Variants in PPP2R3C observed in about 807,000 individuals in gnomAD.
PPP2R3C encodes the protein serine/threonine-protein phosphatase 2A regulatory subunit B'' subunit gamma.
Under a neutral mutation model 63.7 loss-of-function variants are expected in PPP2R3C, and 47 were observed. The ratio of observed to expected loss-of-function variants is 0.74; its 90% CI spans 0.58 to 0.94. The LOEUF (loss-of-function observed/expected upper bound fraction) is 0.94, where lower values mean the gene tolerates loss of function less well. PPP2R3C is among the 40% of genes least tolerant of loss of function. The pLI is 0.00. For synonymous variants in PPP2R3C, 180 were observed against 177.4 expected, an observed-to-expected ratio of 1.01 and a Z score of -0.12; for missense variants, 421 against 518.4, an observed-to-expected ratio of 0.81 and a Z score of 1.82.
At chr14:35,096,508 T>C (rs1162177182) in intron 9 of PPP2R3C, 50 bp downstream of exon 9, 2 of 1,535,758 alleles carry the variant, frequency 1.3e-6, no homozygotes, top group Non-Finnish European at 1.8e-6. Context: ...TGAACACCAA[T>C]TTCCTGAAGA....
At chr14:35,114,498 A>C (rs1364122692) in intron 2 of PPP2R3C, among the ~76,000 whole-genome samples, 1 of 152,238 alleles carries the variant, frequency 6.6e-6, no homozygotes, top group East Asian at 1.9e-4. Context: ...ATTGTTTACT[A>C]TACTTGCAAA....
chr14:35,107,049 C>A (rs2046386648), intron 6 of PPP2R3C, among the ~76,000 whole-genome samples: 1 of 152,110 alleles, frequency 6.6e-6, no homozygotes, highest in African/African-American at 2.4e-5. Flanking sequence ...TTGGAATTGA[C>A]ATTCTCTATT....
At chr14:35,087,261 G>C (rs1483361483) in intron 12 of PPP2R3C, 1 of 152,116 alleles carries the variant, frequency 6.6e-6, no homozygotes, top group Non-Finnish European at 1.5e-5. Flanking sequence ...AAAATTTGTA[G>C]TAAAATAAAA....
chr14:35,110,012 C>T, intron 3 of PPP2R3C, 81 bp from the exon 4 acceptor site: 1 of 1,044,400 alleles, frequency 9.6e-7, no homozygotes, highest in Non-Finnish European at 1.4e-6. Context: ...GTGCTTTCCA[C>T]TAAAATGAGA....
chr14:35,122,007 T>C (rs377161064), upstream of PPP2R3C: 307 of 1,606,516 alleles, frequency 1.9e-4, no homozygotes, highest in Non-Finnish European at 2.6e-4. Flanking sequence ...TCCTACCTGC[T>C]CCACCCCTAC....
At chr14:35,108,040 T>G (rs1406416071) in intron 5 of PPP2R3C, 99 bp downstream of exon 5, 3 of 1,456,276 alleles carry the variant, frequency 2.1e-6, no homozygotes, top group South Asian at 2.8e-5. Flanking sequence ...CTATTCAAAC[T>G]TAGAGTGATT....
chr14:35,087,574 ATT>A (rs1033074411), intron 12 of PPP2R3C: 1 of 180,486 alleles, frequency 5.5e-6, no homozygotes, highest in African/African-American at 2.4e-5. Flanking sequence ...TAATTTTTGT[ATT>A]TTTAGTAGAG....
chr14:35,107,446 C>T, intron 5 of PPP2R3C, 72 bp from the exon 6 acceptor site: 2 of 1,260,676 alleles, frequency 1.6e-6, no homozygotes, highest in East Asian at 4.7e-5. Flanking sequence ...AGATAAAGAG[C>T]CAGATTTGAG....
In PPP2R3C at chr14:35,110,681, A is replaced by G. The variant is rs761821881; in HGVS notation, c.187-52T>C. ...TGTAAATTTTAGACTACTGGATCCT[A>G]TAAAATGTATGTGGCCTCATAAAAT... On this transcript the variant is annotated intron_variant, in intron 2 of 12. Coordinates refer to ENST00000261475, the MANE Select transcript of PPP2R3C (RefSeq NM_017917.4). 2.7e-5 allele frequency: 33 copies of G among 1,216,048 alleles called. 1 individual carries two copies. In the Middle Eastern group the frequency reaches 1.5e-3, roughly 57 times the overall value. 75.3% of individuals were successfully genotyped at this position (1,216,048 alleles called of 1,614,324 possible).
chr14:35,109,459 A>G (rs921991337), intron 4 of PPP2R3C, among the ~76,000 whole-genome samples: 1 of 152,092 alleles, frequency 6.6e-6, no homozygotes, highest in Non-Finnish European at 1.5e-5. Context: ...CATTCCATTT[A>G]CTTCATTTAA....
intron 10 of PPP2R3C, among the ~76,000 whole-genome samples, chr14:35,094,228 T>C (rs1193552795): frequency 6.6e-6 from 1 of 152,184 alleles, no homozygotes; most frequent in Admixed American, 6.5e-5. Flanking sequence ...TGGAGTGCAG[T>C]GGCCTCATCA....
intron 11 of PPP2R3C, among the ~76,000 whole-genome samples, chr14:35,088,752 T>C (rs941002526): frequency 1.5e-4 from 23 of 152,180 alleles, no homozygotes; most frequent in Admixed American, 1.3e-3. Context: ...CAGACCCAGC[T>C]TTATCATTAG....
chr14:35,086,682 G>C (rs2045608352), intron 12 of PPP2R3C: 1 of 151,790 alleles, frequency 6.6e-6, no homozygotes, highest in Admixed American at 6.6e-5. Flanking sequence ...ATTTTCAGTA[G>C]AGACGGGGTT....
rs751024020 is a variant in PPP2R3C, at chr14:35,108,405, TA to T, written c.405-170del. Among the ~76,000 whole-genome samples the T allele has an allele frequency of 9.8e-3, 1,466 of 149,840 alleles. 14 individuals are homozygous for T. Among genetic ancestry groups the T allele is most frequent in the Non-Finnish European group, 0.016 (1,061 of 66,798 alleles). Reference sequence around the variant, plus strand: ...ATTAAGTCAAACTTTTTTTTTTTTTTAAAAGAAATGGAGATTTGGCCAGGCG... The same window carrying T: ...ATTAAGTCAAACTTTTTTTTTTTTTTAAAGAAATGGAGATTTGGCCAGGCG... On this transcript the variant is annotated intron_variant, in intron 4 of 12. Transcript: ENST00000261475.
chr14:35,092,157 C>T (rs1157676315), intron 10 of PPP2R3C, among the ~76,000 whole-genome samples: 1 of 152,168 alleles, frequency 6.6e-6, no homozygotes, highest in African/African-American at 2.4e-5. Flanking sequence ...CAACCTTGAT[C>T]TCCCAGGCTC....
chr14:35,116,662 C>G lies in PPP2R3C; in HGVS notation c.134G>C (p.Gly45Ala), dbSNP rs576273236. The change falls in exon 2 of 13, where the codon GGT becomes GCT. Residue 45 changes from glycine to alanine, a missense_variant. Physicochemically the swap from Gly to Ala is moderately conservative, Grantham distance 60. Around this residue, in one of 3 missense-constraint regions of PPP2R3C, gnomAD observed 143 missense variants for 151.2 expected, o/e 0.95. Transcript: ENST00000261475. ...FTKYYSEWKG[G>A]RKNTNEFYKT... is the part of the protein sequence containing the mutation. ...ATAGAATTCATTTGTGTTTTTTCTA[C>G]CTCCTTTCCATTCGGAGTAATATTT... 1 of 1,601,120 alleles carries G rather than the reference C, an allele frequency of 6.2e-7. No homozygotes were observed. The highest frequency in any genetic ancestry group is 1.7e-4 in the Middle Eastern group (1 of 5,926).
At chr14:35,102,060 A>T (rs939073155) in intron 6 of PPP2R3C, 1 of 137,200 alleles carries the variant, frequency 7.3e-6, no homozygotes, top group Admixed American at 8.1e-5. Context: ...ACGGAGTCTC[A>T]GTCCAGTCCA....
chr14:35,105,499 A>T (rs1414529888), intron 6 of PPP2R3C, among the ~76,000 whole-genome samples: 6 of 150,972 alleles, frequency 4.0e-5, no homozygotes, highest in Non-Finnish European at 7.4e-5. Context: ...TTTTTTTTTT[A>T]AAGTTTGAAG....
intron 7 of PPP2R3C, among the ~76,000 whole-genome samples, chr14:35,097,333 C>A (rs1191011750): frequency 6.6e-6 from 1 of 151,984 alleles, no homozygotes; most frequent in African/African-American, 2.4e-5. Flanking sequence ...GTCAGATTTT[C>A]AAAAAAGTTG....
Sources: allele counts gnomAD v4.1 joint callset (sites outside exome capture counted in the v4.1 genomes callset), GRCh38; gene constraint gnomAD v4.1.1; regional missense constraint gnomAD v4.1.1; transcripts MANE v1.5; gene names NCBI Gene and HGNC (gene_info 2026-07-23, HGNC 2026-07-21).